TSC22D1: variants seen among roughly 807,000 people sequenced by gnomAD.
TSC22D1 encodes the protein TSC22 domain family protein 1.
In TSC22D1, 9 loss-of-function variants were observed where a neutral mutation model predicts 74.2. That is an observed-to-expected ratio of 0.12 (90% confidence interval 0.07 to 0.21). The LOEUF (loss-of-function observed/expected upper bound fraction) is 0.21. Among genes scored for constraint, TSC22D1 ranks in the 10% least tolerant of loss-of-function variants. TSC22D1 has a pLI of 1.00. For missense variants in TSC22D1, 1,427 were observed against 1,304.7 expected, an observed-to-expected ratio of 1.09 and a Z score of -1.44; for synonymous variants, 586 against 492.5, an observed-to-expected ratio of 1.19 and a Z score of -2.51.
Position 44,433,896 on chromosome 13 carries a change from A to G in TSC22D1, c.*730T>C, listed in dbSNP as rs112336455. ...TCCACACCTCCTCAGACAGCCAATGAAACAACTAAATTTCAATCTGTACAA... is the reference window on the plus strand; with the variant it reads ...TCCACACCTCCTCAGACAGCCAATGGAACAACTAAATTTCAATCTGTACAA... On this transcript the variant is annotated 3_prime_UTR_variant, in exon 3 of 3. Transcript: ENST00000458659. 426 of 1,329,798 alleles carry G rather than the reference A, an allele frequency of 3.2e-4. 2 individuals carry two copies. The African/African-American group carries it at 5.6e-3, about 17-fold the overall frequency. The allele number at this position is 1,329,798 out of a possible 1,614,324, so 82.4% of individuals were successfully genotyped here. A position where few individuals can be genotyped will look rare whatever the true frequency, so the allele number is the denominator to read the frequency against.
At chr13:44,502,269 G>A (rs1007510128) in intron 1 of TSC22D1, among the ~76,000 whole-genome samples, 2 of 152,146 alleles carry the variant, frequency 1.3e-5, no homozygotes, top group African/African-American at 4.8e-5. Context: ...TGCTTAAGAT[G>A]AAAAACATTT....
intron 1 of TSC22D1, among the ~76,000 whole-genome samples, chr13:44,516,933 G>A (rs933882808): frequency 6.6e-6 from 1 of 152,184 alleles, no homozygotes; most frequent in Non-Finnish European, 1.5e-5. Context: ...GTCCTGCCCA[G>A]TTAGTCACCC....
At chr13:44,560,147 A>G (rs921184230) in intron 1 of TSC22D1, among the ~76,000 whole-genome samples, 1 of 152,014 alleles carries the variant, frequency 6.6e-6, no homozygotes, top group Admixed American at 6.6e-5. Context: ...TGTGGTAATC[A>G]GGCCAGGCAC....
At chr13:44,510,292 T>C (rs1444113503) in intron 1 of TSC22D1, among the ~76,000 whole-genome samples, 1 of 151,422 alleles carries the variant, frequency 6.6e-6, no homozygotes, top group East Asian at 1.9e-4. Context: ...CTCAGGAGGC[T>C]GAGGCAGGAG....
At chr13:44,487,714 GATAA>G in intron 1 of TSC22D1, among the ~76,000 whole-genome samples, 1 of 150,284 alleles carries the variant, frequency 6.7e-6, no homozygotes, top group Non-Finnish European at 1.5e-5. Context: ...AAAAAAAAAA[GATAA>G]ATAAATTTCT....
intron 1 of TSC22D1, among the ~76,000 whole-genome samples, chr13:44,456,656 T>C (rs1289290452): frequency 1.3e-5 from 2 of 152,154 alleles, no homozygotes; most frequent in African/African-American, 2.4e-5. Flanking sequence ...AGAGACAGTG[T>C]AGGGAACTGA....
intron 1 of TSC22D1, among the ~76,000 whole-genome samples, chr13:44,570,568 A>C (rs997334127): frequency 2.0e-5 from 3 of 152,172 alleles, no homozygotes; most frequent in Non-Finnish European, 4.4e-5. Flanking sequence ...ATCCATGTTT[A>C]TAGTCTCTCC....
intron 1 of TSC22D1, among the ~76,000 whole-genome samples, chr13:44,512,057 C>G (rs1879749312): frequency 6.6e-6 from 1 of 152,212 alleles, no homozygotes; most frequent in African/African-American, 2.4e-5. Flanking sequence ...GATGACAGCT[C>G]CCACCATCAA....
Position 44,576,056 on chromosome 13 carries a change from A to G in TSC22D1, c.19T>C (p.Ser7Pro), listed in dbSNP as rs756659374. 6.4e-7 allele frequency: 1 copy of G among 1,563,736 alleles called. No homozygotes were observed. Among genetic ancestry groups the G allele is most frequent in the Non-Finnish European group, 8.6e-7 (1 of 1,157,364 alleles). MHQPPE[S>P]TAAAAAAADI... ...GCAGCGGCGGCGGCCGCGGCGGTGG[A>G]CTCAGGCGGCTGGTGCATTGTGTTG... is the stretch of plus-strand genomic sequence containing the variant. Residue 7 changes from serine to proline, a missense_variant, in exon 1 of 3, where the codon TCC becomes CCC. Ser to Pro is a moderately conservative substitution (Grantham distance 74). Transcript: ENST00000458659.
intron 1 of TSC22D1, among the ~76,000 whole-genome samples, chr13:44,472,631 A>C (rs927873316): frequency 2.0e-5 from 3 of 152,020 alleles, no homozygotes; most frequent in Non-Finnish European, 4.4e-5. Context: ...CCCTGGACAA[A>C]ATGGTGAAAC....
In TSC22D1 at chr13:44,433,791, T is replaced by G. The variant is rs530497993; in HGVS notation, c.*835A>C. 7 of 540,648 alleles carry G rather than the reference T, an allele frequency of 1.3e-5. No homozygotes were observed. In the South Asian group the frequency reaches 1.9e-4, roughly 15 times the overall value. 33.5% of individuals were successfully genotyped at this position (540,648 alleles called of 1,614,324 possible). A position where few individuals can be genotyped will look rare whatever the true frequency, so the allele number is the denominator to read the frequency against. ...TAGATTTCAGATTACACAAAGTGAG[T>G]AACTGTGCCAAATTCTTAAAATTTC... On this transcript the variant is annotated 3_prime_UTR_variant, in exon 3 of 3. Transcript: ENST00000458659.
Position 44,432,624 on chromosome 13 carries a change from C to T in TSC22D1, c.*2002G>A, listed in dbSNP as rs766007667. ...CTATCGAACAATTCTTTTTAGGGAT[C>T]TTGGATGTCCCATTCACCTCTCAAT... On this transcript the variant is annotated 3_prime_UTR_variant, in exon 3 of 3. Coordinates refer to ENST00000458659, the MANE Select transcript of TSC22D1 (RefSeq NM_183422.4). 1 of 152,134 alleles carries T rather than the reference C, an allele frequency of 6.6e-6. No homozygotes were observed. The highest frequency in any genetic ancestry group is 1.5e-5 in the Non-Finnish European group (1 of 68,016). The allele number at this position is 152,134 out of a possible 1,614,324, so 9.4% of individuals were successfully genotyped here.
At chr13:44,474,843 A>C (rs114428958) in intron 1 of TSC22D1, among the ~76,000 whole-genome samples, 2,349 of 152,260 alleles carry the variant, frequency 0.015, 51 homozygotes, top group African/African-American at 0.05. Context: ...AGCAGGTATC[A>C]AGAAGCCTCA....
chr13:44,494,724 A>T (rs1339891520), intron 1 of TSC22D1, among the ~76,000 whole-genome samples: 1 of 152,154 alleles, frequency 6.6e-6, no homozygotes, highest in Non-Finnish European at 1.5e-5. Context: ...GCATGCAAAG[A>T]AAAAAGAAAA....
At position 44,434,722 on chromosome 13, in the gene TSC22D1, C is replaced by G; in HGVS notation, c.3126G>C (p.Gln1042His). Residue 1042 changes from glutamine to histidine, a missense_variant, in exon 3 of 3, where the codon CAG becomes CAC. By Grantham distance (24) the Gln-to-His change is conservative. This residue lies in a region of TSC22D1 where 63 missense variants were observed against 50.5 expected (regional missense o/e 1.25). Transcript: ENST00000458659. ...SPEQLAQFQA[Q>H]LQTGSPPATT... ...TGGCAGGGGGGGAGCCAGTCTGCAGCTGGGCCTGAAACTGGGCAAGCTGCT... is the reference window on the plus strand; with the variant it reads ...TGGCAGGGGGGGAGCCAGTCTGCAGGTGGGCCTGAAACTGGGCAAGCTGCT... 6.2e-7 allele frequency: 1 copy of G among 1,613,180 alleles called. No homozygotes were observed. Among genetic ancestry groups the G allele is most frequent in the Non-Finnish European group, 8.5e-7 (1 of 1,179,848 alleles).
intron 1 of TSC22D1, among the ~76,000 whole-genome samples, chr13:44,513,921 C>T (rs1222705396): frequency 6.6e-6 from 1 of 152,182 alleles, no homozygotes; most frequent in East Asian, 1.9e-4. Flanking sequence ...GAGGATAACC[C>T]ACACCAAACT....
At chr13:44,546,447 G>C (rs527803676) in intron 1 of TSC22D1, among the ~76,000 whole-genome samples, 2 of 151,952 alleles carry the variant, frequency 1.3e-5, no homozygotes, top group Non-Finnish European at 2.9e-5. Context: ...TGCCAAAAAC[G>C]CACAGATTAA....
chr13:44,488,426 A>T (rs1421739879), intron 1 of TSC22D1, among the ~76,000 whole-genome samples: 1 of 152,234 alleles, frequency 6.6e-6, no homozygotes, highest in Non-Finnish European at 1.5e-5. Flanking sequence ...AAATTATTAA[A>T]ACTAACTTCA....
At chr13:44,536,749 G>T (rs1485100574) in intron 1 of TSC22D1, 2 of 984,092 alleles carry the variant, frequency 2.0e-6, no homozygotes, top group African/African-American at 3.5e-5. Context: ...AGTTTTAATG[G>T]TTTGCAAAAT....
Sources: gnomAD v4.1 joint callset for allele counts (sites outside exome capture counted in the v4.1 genomes callset) on GRCh38, gnomAD v4.1.1 for gene constraint, gnomAD v4.1.1 regional missense constraint, MANE v1.5 for transcripts, NCBI Gene and HGNC (gene_info 2026-07-23, HGNC 2026-07-21) for gene names.